Variants in ASXL2 observed in about 807,000 individuals in gnomAD.
The protein encoded by ASXL2 is putative Polycomb group protein ASXL2.
A neutral mutation model predicts 122.0 loss-of-function variants in ASXL2; 23 were observed. The ratio of observed to expected loss-of-function variants is 0.19; its 90% CI spans 0.14 to 0.27. The LOEUF (loss-of-function observed/expected upper bound fraction) is 0.27. Among genes scored for constraint, ASXL2 ranks in the 10% least tolerant of loss-of-function variants. The pLI is 1.00. For synonymous variants in ASXL2, 650 were observed against 637.0 expected (o/e 1.02, Z -0.31); for missense variants, 1,518 against 1,713.8 (o/e 0.89, Z 2.02).
chr2:25,841,917 A>G (rs2149191397), intron 2 of ASXL2, among the ~76,000 whole-genome samples: 1 of 150,616 alleles, frequency 6.6e-6, no homozygotes, highest in South Asian at 2.1e-4. Flanking sequence ...ACTGCACTCC[A>G]GCCTGGAGGA....
intron 1 of ASXL2, among the ~76,000 whole-genome samples, chr2:25,853,977 T>C (rs908123053): frequency 4.6e-5 from 7 of 152,058 alleles, no homozygotes; most frequent in Non-Finnish European, 8.8e-5. Flanking sequence ...AATTTACAGA[T>C]TTGGGCGCAG....
Position 25,750,185 on chromosome 2 carries a change from G to C in ASXL2, c.1371C>G (p.Phe457Leu). 6.2e-7 allele frequency: 1 copy of C among 1,613,994 alleles called. No homozygotes were observed. The highest frequency in any genetic ancestry group is 8.5e-7 in the Non-Finnish European group (1 of 1,179,884). ...CESQGEVQPN[F>L]STSSEPLLSS... is the part of the protein sequence containing the mutation. The stretch of plus-strand genomic sequence containing the variant: ...AAAGCAGGGGCTCTGAAGATGTGGA[G>C]AAGTTCGGCTGCACTTCACCTTGGC... The change falls in exon 12 of 13, where the codon TTC (phenylalanine) becomes TTG (leucine). Residue 457 changes from phenylalanine to leucine, a missense_variant. Transcript: ENST00000435504.
chr2:25,825,907 CA>C (rs1192148542), intron 3 of ASXL2, among the ~76,000 whole-genome samples: 1 of 152,178 alleles, frequency 6.6e-6, no homozygotes, highest in African/African-American at 2.4e-5. Context: ...CACCTACTAA[CA>C]AAAATCAGAT....
chr2:25,740,643 GAAAGAA>G lies in ASXL2; in HGVS notation c.*1380_*1385del. 4.4e-6 allele frequency: 1 copy of G among 227,546 alleles called. No homozygotes were observed. The highest frequency in any genetic ancestry group is 8.7e-6 in the Non-Finnish European group (1 of 114,622). 14.1% of individuals were successfully genotyped at this position (227,546 alleles called of 1,614,324 possible). A position where few individuals can be genotyped will look rare whatever the true frequency, so the allele number is the denominator to read the frequency against. On this transcript the variant is annotated 3_prime_UTR_variant, in exon 13 of 13. Coordinates refer to ENST00000435504, the MANE Select transcript of ASXL2 (RefSeq NM_018263.6). ...GATTTAAAAACAAAAAAGGAAACAA[GAAAGAA>G]AAAGAAACAAAAACAAGCAACCAAA... is the stretch of plus-strand genomic sequence containing the variant.
At chr2:25,853,736 T>C (rs889702521) in intron 1 of ASXL2, among the ~76,000 whole-genome samples, 1 of 151,856 alleles carries the variant, frequency 6.6e-6, no homozygotes, top group Admixed American at 6.6e-5. Context: ...CTCGAACTCC[T>C]GGGCTCAAGC....
At chr2:25,790,399 CTA>C (rs1468853345) in intron 5 of ASXL2, among the ~76,000 whole-genome samples, 3 of 149,018 alleles carry the variant, frequency 2.0e-5, no homozygotes, top group African/African-American at 7.4e-5. Context: ...AAAAACAGAA[CTA>C]TTAAAAATAA....
At chr2:25,782,285 C>A (rs2088656421) in intron 5 of ASXL2, among the ~76,000 whole-genome samples, 1 of 152,068 alleles carries the variant, frequency 6.6e-6, no homozygotes, top group South Asian at 2.1e-4. Flanking sequence ...TGGCTCATGC[C>A]TGTAATCCCA....
intron 1 of ASXL2, among the ~76,000 whole-genome samples, chr2:25,848,858 C>CAA (rs2089682105): frequency 6.7e-6 from 1 of 149,480 alleles, no homozygotes; most frequent in Non-Finnish European, 1.5e-5. Flanking sequence ...CCAGCCTGGC[C>CAA]AATGTGGTGA....
chr2:25,873,944 G>A (rs917972570), intron 1 of ASXL2, among the ~76,000 whole-genome samples: 2 of 152,138 alleles, frequency 1.3e-5, no homozygotes, highest in Non-Finnish European at 2.9e-5. Context: ...CAATAAGACT[G>A]CTATTTTCAA....
chr2:25,813,574 G>T (rs2089198283), intron 3 of ASXL2, among the ~76,000 whole-genome samples: 1 of 152,170 alleles, frequency 6.6e-6, no homozygotes, highest in South Asian at 2.1e-4. Context: ...GTAATTATGG[G>T]TAAGAGACTG....
intron 8 of ASXL2, among the ~76,000 whole-genome samples, chr2:25,765,262 G>C (rs968853865): frequency 3.9e-5 from 6 of 152,086 alleles, no homozygotes; most frequent in Non-Finnish European, 7.4e-5. Flanking sequence ...AAGGCGGGCA[G>C]ATCACGAGGT....
chr2:25,834,545 T>G (rs2089487228), intron 3 of ASXL2, among the ~76,000 whole-genome samples: 1 of 152,160 alleles, frequency 6.6e-6, no homozygotes, highest in South Asian at 2.1e-4. Context: ...GGACTACAAA[T>G]ATAACTAGAG....
In ASXL2 at chr2:25,753,645, ATGTACCC is replaced by A; in HGVS notation, c.1037-13_1037-7del. On this transcript the variant is annotated splice_region_variant and splice_polypyrimidine_tract_variant and intron_variant, in intron 10 of 12. Coordinates refer to ENST00000435504, the MANE Select transcript of ASXL2 (RefSeq NM_018263.6). ...CATCTCAGGTGTAAACTCACCTGCA[ATGTACCC>A]AAAAAAGGATATTCAATAGAAAAAT... The A allele has an allele frequency of 1.3e-6, 2 of 1,597,182 alleles. No homozygotes were observed. The highest frequency in any genetic ancestry group is 1.3e-5 in the African/African-American group (1 of 74,354).
chr2:25,831,423 G>A (rs555173272), intron 3 of ASXL2, among the ~76,000 whole-genome samples: 1 of 152,340 alleles, frequency 6.6e-6, no homozygotes, highest in Non-Finnish European at 1.5e-5. Context: ...CACTTTGGGA[G>A]GGCAAGGCAG....
At position 25,864,476 on chromosome 2, in the gene ASXL2, T is replaced by C. The variant is rs116553286; in HGVS notation, c.57+13690A>G. Among the ~76,000 whole-genome samples, 664 of 152,154 alleles carry C rather than the reference T, an allele frequency of 4.4e-3. 11 individuals carry two copies. Among genetic ancestry groups the C allele is most frequent in the African/African-American group, 0.015 (639 of 41,454 alleles). On this transcript the variant is annotated intron_variant, in intron 1 of 12. Transcript: ENST00000435504. Reference sequence around the variant, plus strand: ...AGATTTCAAAAATCCATTAAGACTTTTAGTGGCAGGTGACCTTAAAAACAC... The same window carrying C: ...AGATTTCAAAAATCCATTAAGACTTCTAGTGGCAGGTGACCTTAAAAACAC...
intron 1 of ASXL2, among the ~76,000 whole-genome samples, chr2:25,868,430 T>C (rs1156359040): frequency 1.3e-5 from 2 of 152,260 alleles, no homozygotes; most frequent in African/African-American, 2.4e-5. Context: ...TGCCAAAAGA[T>C]GGATCAGCTT....
chr2:25,836,347 T>C (rs955816729), intron 2 of ASXL2, among the ~76,000 whole-genome samples: 11 of 152,210 alleles, frequency 7.2e-5, no homozygotes, highest in African/African-American at 2.7e-4. Flanking sequence ...CTCTTTCTAA[T>C]GAAATCACTT....
chr2:25,842,978 C>T (rs2089604921), intron 2 of ASXL2, among the ~76,000 whole-genome samples: 1 of 142,946 alleles, frequency 7.0e-6, no homozygotes, highest in South Asian at 2.2e-4. Flanking sequence ...AGCGTCACCA[C>T]ACCTGGCTAA....
intron 1 of ASXL2, among the ~76,000 whole-genome samples, chr2:25,866,997 T>C (rs1484467489): frequency 6.6e-6 from 1 of 152,082 alleles, no homozygotes; most frequent in African/African-American, 2.4e-5. Context: ...GCCTCCCAGG[T>C]TCAAGCGATT....
Sources: gnomAD v4.1 joint callset for allele counts (sites outside exome capture counted in the v4.1 genomes callset) on GRCh38, gnomAD v4.1.1 for gene constraint, MANE v1.5 for transcripts, NCBI Gene and HGNC (gene_info 2026-07-23, HGNC 2026-07-21) for gene names.